The following STX8 variants were observed in gnomAD, a reference collection of about 807,000 sequenced individuals.
The protein encoded by STX8 is syntaxin-8.
In STX8, 23 loss-of-function variants were observed where a neutral mutation model predicts 37.5. The observed-to-expected ratio is 0.61, with a 90% CI of 0.44 to 0.87. The LOEUF (loss-of-function observed/expected upper bound fraction) is 0.87, where lower values mean the gene tolerates loss of function less well. Ranked by LOEUF, STX8 falls within the 40% of genes least tolerant of loss-of-function variation. The pLI is 0.00. For synonymous variants in STX8, 115 were observed against 99.1 expected (o/e 1.16, Z -0.95); for missense variants, 313 against 284.7 (o/e 1.10, Z -0.71).
chr17:9,296,431 G>T (rs1312791473), intron 7 of STX8, among the ~76,000 whole-genome samples: 1 of 151,368 alleles, frequency 6.6e-6, no homozygotes, highest in Non-Finnish European at 1.5e-5. Context: ...CTGGGAGGTG[G>T]AGGTTGCAGT....
chr17:9,540,971 A>T (rs977352533), intron 4 of STX8, among the ~76,000 whole-genome samples: 1 of 152,188 alleles, frequency 6.6e-6, no homozygotes, highest in Non-Finnish European at 1.5e-5. Context: ...AACAAGCAAC[A>T]GCTTTAGTCC....
At chr17:9,345,690 T>A (rs1910506984) in intron 7 of STX8, among the ~76,000 whole-genome samples, 1 of 48,300 alleles carries the variant, frequency 2.1e-5, no homozygotes, top group South Asian at 2.2e-3. Context: ...TTATCTCACA[T>A]ACTTTTTTTT....
chr17:9,413,211 A>C (rs1192837103), intron 6 of STX8, among the ~76,000 whole-genome samples: 1 of 152,196 alleles, frequency 6.6e-6, no homozygotes, highest in Non-Finnish European at 1.5e-5. Context: ...GAACTCACCC[A>C]ATCTGTTATG....
chr17:9,374,883 G>T (rs1911530653), intron 7 of STX8, among the ~76,000 whole-genome samples: 1 of 151,868 alleles, frequency 6.6e-6, no homozygotes, highest in Non-Finnish European at 1.5e-5. Flanking sequence ...GGGCAACATG[G>T]TGAAACTCCA....
chr17:9,458,422 T>A (rs1003583144), intron 6 of STX8, among the ~76,000 whole-genome samples: 3 of 151,980 alleles, frequency 2.0e-5, no homozygotes, highest in African/African-American at 4.8e-5. Flanking sequence ...GTGCTGGGAT[T>A]ACAGGCGTGA....
intron 7 of STX8, among the ~76,000 whole-genome samples, chr17:9,314,434 C>T (rs187214168): frequency 1.2e-3 from 189 of 152,202 alleles, no homozygotes; most frequent in Non-Finnish European, 2.1e-3. Flanking sequence ...GTCTCACTCT[C>T]TCTCCCAGTC....
intron 3 of STX8, among the ~76,000 whole-genome samples, chr17:9,552,370 A>G (rs1906799128): frequency 6.6e-6 from 1 of 152,166 alleles, no homozygotes; most frequent in Non-Finnish European, 1.5e-5. Context: ...GTTCTTATAA[A>G]TCAAAAAACT....
chr17:9,420,402 A>T (rs1470984090), intron 6 of STX8, among the ~76,000 whole-genome samples: 1 of 152,162 alleles, frequency 6.6e-6, no homozygotes, highest in Non-Finnish European at 1.5e-5. Flanking sequence ...TTCGACCAGT[A>T]ACCTTACCTA....
In STX8 at chr17:9,344,895, G is replaced by T. The variant is rs185144874; in HGVS notation, c.643+33657C>A. ...TAGTGACTTGTTAGCTTACATCCTT[G>T]GTCATAACTTGGCAGCCAGGGAGCC... On this transcript the variant is annotated intron_variant, in intron 7 of 7. Coordinates refer to ENST00000306357, the MANE Select transcript of STX8 (RefSeq NM_004853.3). Among the ~76,000 whole-genome samples the T allele has an allele frequency of 2.7e-3, 405 of 152,270 alleles. 3 individuals carry two copies. Among genetic ancestry groups the T allele is most frequent in the African/African-American group, 9.4e-3 (391 of 41,560 alleles).
intron 7 of STX8, among the ~76,000 whole-genome samples, chr17:9,329,838 T>C (rs1909905370): frequency 6.6e-6 from 1 of 151,764 alleles, no homozygotes. Flanking sequence ...AAGGCAGCTG[T>C]CATTTATTTG....
chr17:9,440,113 AAAGG>A (rs1904586545), intron 6 of STX8, among the ~76,000 whole-genome samples: 1 of 152,194 alleles, frequency 6.6e-6, no homozygotes, highest in Non-Finnish European at 1.5e-5. Flanking sequence ...GAAAAGGGCA[AAAGG>A]AAGGAAGTCA....
chr17:9,288,230 A>G lies in STX8; in HGVS notation c.644-37585T>C, dbSNP rs922264596. 3.3e-5 allele frequency among the ~76,000 whole-genome samples: 5 copies of G among 151,774 alleles called. No individual in the cohort carries two copies. In the East Asian group the frequency reaches 7.7e-4, roughly 23 times the overall value. On this transcript the variant is annotated intron_variant, in intron 7 of 7. Coordinates refer to ENST00000306357, the MANE Select transcript of STX8 (RefSeq NM_004853.3). ...GGAATCCAATGACAAGATACAACGC[A>G]AAGAACAGAAGAAAATGTGAAAGAA...
intron 4 of STX8, among the ~76,000 whole-genome samples, chr17:9,505,502 G>C (rs984257880): frequency 1.4e-4 from 21 of 152,198 alleles, no homozygotes; most frequent in African/African-American, 4.6e-4. Flanking sequence ...AGGCCGAACA[G>C]CGGCCTTTTT....
intron 6 of STX8, among the ~76,000 whole-genome samples, chr17:9,448,338 G>A (rs571885182): frequency 6.8e-4 from 104 of 152,208 alleles, no homozygotes; most frequent in Non-Finnish European, 9.3e-4. Context: ...CGCCCAACCC[G>A]CACACTCCTA....
intron 7 of STX8, among the ~76,000 whole-genome samples, chr17:9,252,253 G>C (rs796203384): frequency 5.3e-5 from 8 of 152,104 alleles, no homozygotes; most frequent in African/African-American, 1.9e-4. Context: ...GACCATCCTG[G>C]CTAACATGGT....
At position 9,491,891 on chromosome 17, in the gene STX8, G is replaced by C; in HGVS notation, c.479C>G (p.Ser160Cys). The C allele has an allele frequency of 6.2e-7, 1 of 1,613,600 alleles. No homozygotes were observed. Among genetic ancestry groups the C allele is most frequent in the East Asian group, 2.2e-5 (1 of 44,864 alleles). Residue 160 changes from serine to cysteine, a missense_variant, in exon 6 of 8, where the codon TCT becomes TGT. Ser to Cys is a moderately radical substitution (Grantham distance 112). Transcript: ENST00000306357. ...EQDAGLDALS[S>C]IISRQKQMGQ... ...CATTTGTTTTTGGCGACTTATGATA[G>C]AGGAAAGGGCATCAAGGCCTGCGTC...
chr17:9,319,951 A>AAAAT (rs568147923), intron 7 of STX8, among the ~76,000 whole-genome samples: 516 of 151,456 alleles, frequency 3.4e-3, no homozygotes, highest in Middle Eastern at 0.01. Context: ...GTCCATCTCA[A>AAAAT]AAATAAATAA....
chr17:9,318,467 A>G (rs928695970), intron 7 of STX8, among the ~76,000 whole-genome samples: 3 of 152,218 alleles, frequency 2.0e-5, no homozygotes, highest in African/African-American at 7.2e-5. Flanking sequence ...AATAATCTAG[A>G]ATAAGAAAGA....
At chr17:9,398,000 AG>A (rs67020878) in intron 6 of STX8, among the ~76,000 whole-genome samples, 29,431 of 137,648 alleles carry the variant, frequency 0.21, 4,126 homozygotes, top group African/African-American at 0.28. Flanking sequence ...AAAAAAAAAA[AG>A]AAAGAAAGAA....
Sources: allele counts gnomAD v4.1 joint callset (sites outside exome capture counted in the v4.1 genomes callset), GRCh38; gene constraint gnomAD v4.1.1; transcripts MANE v1.5; gene names NCBI Gene and HGNC (gene_info 2026-07-23, HGNC 2026-07-21).